CECR2: variants seen among roughly 807,000 people sequenced by gnomAD.
CECR2 encodes the protein CECR2 histone acetyl-lysine reader, also known as chromatin remodeling regulator CECR2.
Under a neutral mutation model 154.5 loss-of-function variants are expected in CECR2, and 30 were observed. That is an observed-to-expected ratio of 0.19 (90% CI 0.15 to 0.26). The LOEUF (loss-of-function observed/expected upper bound fraction) is 0.26. Ranked by LOEUF, CECR2 falls within the 10% of genes least tolerant of loss-of-function variation. CECR2 has a pLI of 1.00. For missense variants in CECR2, 1,743 were observed against 1,829.3 expected (o/e 0.95, Z 0.86); for synonymous variants, 725 against 683.7 (o/e 1.06, Z -0.94).
chr22:17,532,700 CTTTTTTTTTTTTTTTTTTTT>C lies in CECR2; in HGVS notation c.1109-4387_1109-4368del, dbSNP rs695634. Among the ~76,000 whole-genome samples the C allele has an allele frequency of 1.1e-4, 4 of 35,792 alleles. 1 individual carries two copies. Among genetic ancestry groups the C allele is most frequent in the African/African-American group, 4.7e-4 (4 of 8,578 alleles). The allele number at this position is 35,792 out of a possible 152,430, so 23.5% of individuals were successfully genotyped here. Reference sequence around the variant, plus strand: ...CCAAGTAGGTATATTCATTATTATTCTTTTTTTTTTTTTTTTTTTTTTTTTTTTTTTTTTTGAGATGGAGT... The same window carrying C: ...CCAAGTAGGTATATTCATTATTATTCTTTTTTTTTTTTTTTGAGATGGAGT... On this transcript the variant is annotated intron_variant, in intron 9 of 18. Transcript: ENST00000262608.
chr22:17,525,285 C>CAAAAAAAAAAAAAAAAAAA lies in CECR2; in HGVS notation c.1108+1014_1108+1015insAAAAAAAAAAAAAAAAAAA, dbSNP rs1569142080. On this transcript the variant is annotated intron_variant, in intron 9 of 18. Coordinates refer to ENST00000262608, the MANE Select transcript of CECR2 (RefSeq NM_001290047.2). ...GGGCAACAAGAGTGAAACTCCATCT[C>CAAAAAAAAAAAAAAAAAAA]CAAAAAAAAAAAAAAAAAAAAAAAA... is the stretch of plus-strand genomic sequence containing the variant. Among the ~76,000 whole-genome samples the CAAAAAAAAAAAAAAAAAAA allele has an allele frequency of 5.3e-4, 17 of 32,324 alleles. 6 individuals carry two copies. Among genetic ancestry groups the CAAAAAAAAAAAAAAAAAAA allele is most frequent in the African/African-American group, 1.2e-3 (10 of 8,190 alleles). The allele number at this position is 32,324 out of a possible 152,430, so 21.2% of individuals were successfully genotyped here.
rs960214924 is a variant in CECR2, at chr22:17,434,945, C to G, written c.127-42643C>G. On this transcript the variant is annotated intron_variant, in intron 1 of 18. Transcript: ENST00000262608. ...ACACACATGGGGTATTGTTGAAGTA[C>G]GAGCTAACCTGCTCCTCATTGATGT... Among the ~76,000 whole-genome samples the G allele has an allele frequency of 3.1e-4, 47 of 152,234 alleles. 1 individual carries two copies. In the Middle Eastern group the frequency reaches 0.01, roughly 33 times the overall value.
At chr22:17,441,532 C>A (rs1217748704) in intron 1 of CECR2, among the ~76,000 whole-genome samples, 2 of 152,130 alleles carry the variant, frequency 1.3e-5, no homozygotes, top group Non-Finnish European at 2.9e-5. Flanking sequence ...TGAAAGCTTT[C>A]TTTTAAAAAG....
At chr22:17,431,399 T>TG (rs2054419784) in intron 1 of CECR2, among the ~76,000 whole-genome samples, 1 of 152,254 alleles carries the variant, frequency 6.6e-6, no homozygotes, top group Admixed American at 6.5e-5. Flanking sequence ...TCATAGTGCC[T>TG]GACACAGAAG....
chr22:17,370,322 G>C (rs1477960699), intron 1 of CECR2, among the ~76,000 whole-genome samples: 58 of 150,280 alleles, frequency 3.9e-4, no homozygotes, highest in Non-Finnish European at 6.2e-4. Context: ...CCGGGCGCGG[G>C]GGGGGGGCCC....
In CECR2 at chr22:17,480,806, G is replaced by A. The variant is rs763005012; in HGVS notation, c.221+3124G>A. On this transcript the variant is annotated intron_variant, in intron 2 of 18. Transcript: ENST00000262608. ...TATAATCTCAGCACTTTGGGAGGCC[G>A]AGACGGGCAGATCACTTGAGGTCGG... Among the ~76,000 whole-genome samples the A allele has an allele frequency of 3.9e-5, 6 of 152,160 alleles. 1 individual carries two copies. The highest frequency in any genetic ancestry group is 2.1e-4 in the South Asian group (1 of 4,816).
At chr22:17,552,773 A>AGTTTTTTTTTTT in intron 18 of CECR2, 62 bp from the exon 19 acceptor site, 1 of 395,768 alleles carries the variant, frequency 2.5e-6, no homozygotes, top group African/African-American at 6.6e-5. Flanking sequence ...GGCTTACTTA[A>AGTTTTTTTTTTT]GTTTTTTTTT....
At chr22:17,520,806 C>T (rs2056145278) in intron 8 of CECR2, among the ~76,000 whole-genome samples, 1 of 152,146 alleles carries the variant, frequency 6.6e-6, no homozygotes, top group Admixed American at 6.5e-5. Context: ...ATATGTGCCT[C>T]ATTTTCTTAT....
rs1481022753 is a variant in CECR2, at chr22:17,481,051, A to T, written c.221+3369A>T. On this transcript the variant is annotated intron_variant, in intron 2 of 18. Transcript: ENST00000262608. ...TGAGACTCCATCTCTTTTTTTTTTA[A>T]AAAAAAAAAAGGCCGGGCACGGTGC... is the stretch of plus-strand genomic sequence containing the variant. Among the ~76,000 whole-genome samples the T allele has an allele frequency of 1.6e-3, 208 of 132,604 alleles. 6 individuals carry two copies. The highest frequency in any genetic ancestry group is 5.5e-3 in the African/African-American group (182 of 32,982). The allele number at this position is 132,604 out of a possible 152,430, so 87.0% of individuals were successfully genotyped here.
intron 7 of CECR2, among the ~76,000 whole-genome samples, chr22:17,507,920 C>T (rs117864399): frequency 6.6e-6 from 1 of 152,084 alleles, no homozygotes; most frequent in Non-Finnish European, 1.5e-5. Flanking sequence ...ACAGAAGGAT[C>T]GATTTATTCA....
intron 1 of CECR2, among the ~76,000 whole-genome samples, chr22:17,375,552 T>C (rs568111948): frequency 7.2e-5 from 11 of 152,136 alleles, no homozygotes; most frequent in Non-Finnish European, 1.6e-4. Flanking sequence ...AGGCCCCAAG[T>C]AGAGTGGGGT....
At chr22:17,395,082 T>C (rs746878186) in intron 1 of CECR2, among the ~76,000 whole-genome samples, 2 of 152,220 alleles carry the variant, frequency 1.3e-5, no homozygotes, top group African/African-American at 2.4e-5. Flanking sequence ...AACCCCAGTG[T>C]TGCCTTGTGT....
chr22:17,470,693 TACTG>T (rs2055112376), intron 1 of CECR2, among the ~76,000 whole-genome samples: 1 of 53,172 alleles, frequency 1.9e-5, no homozygotes, highest in African/African-American at 1.3e-4. Flanking sequence ...GCAAAACCCT[TACTG>T]ACTGTGTGTC....
intron 1 of CECR2, among the ~76,000 whole-genome samples, chr22:17,405,456 AAT>A (rs2053967605): frequency 4.3e-5 from 5 of 115,876 alleles, no homozygotes; most frequent in African/African-American, 6.3e-5. Context: ...TAAAATAAAA[AAT>A]ATAAAATAAA....
chr22:17,377,761 G>A (rs1423098282), intron 1 of CECR2, among the ~76,000 whole-genome samples: 1 of 152,080 alleles, frequency 6.6e-6, no homozygotes, highest in East Asian at 1.9e-4. Flanking sequence ...CTTTATATTA[G>A]CCTCTAACAA....
chr22:17,520,664 A>T (rs1441792309), intron 8 of CECR2, among the ~76,000 whole-genome samples: 1 of 152,040 alleles, frequency 6.6e-6, no homozygotes, highest in African/African-American at 2.4e-5. Context: ...TATGAGTGAG[A>T]ACATGCGGTG....
chr22:17,501,636 T>G (rs974210906), intron 5 of CECR2, among the ~76,000 whole-genome samples: 1 of 152,220 alleles, frequency 6.6e-6, no homozygotes. Context: ...GAAGTTCAGC[T>G]TCAGATTGCA....
chr22:17,469,603 TTTTTTTC>T (rs2055090285), intron 1 of CECR2, among the ~76,000 whole-genome samples: 1 of 138,642 alleles, frequency 7.2e-6, no homozygotes, highest in South Asian at 2.4e-4. Flanking sequence ...GTTTTTTTTT[TTTTTTTC>T]CAGTAAGAAT....
chr22:17,409,799 C>A (rs1185903394), intron 1 of CECR2, among the ~76,000 whole-genome samples: 1 of 110,192 alleles, frequency 9.1e-6, no homozygotes, highest in Non-Finnish European at 2.2e-5. Context: ...ATTTACAGTA[C>A]CTAGAATTGT....
Sources: allele counts gnomAD v4.1 joint callset (sites outside exome capture counted in the v4.1 genomes callset), GRCh38; gene constraint gnomAD v4.1.1; transcripts MANE v1.5; gene names NCBI Gene and HGNC (gene_info 2026-07-23, HGNC 2026-07-21).